MCTP1: variants seen among roughly 807,000 people sequenced by gnomAD.
MCTP1 encodes the protein multiple C2 and transmembrane domain containing 1.
In MCTP1, 69 loss-of-function variants were observed where a neutral mutation model predicts 120.6. The observed-to-expected ratio is 0.57, with a 90% CI of 0.47 to 0.70. MCTP1 has a LOEUF of 0.70. Among genes scored for constraint, MCTP1 ranks in the 30% least tolerant of loss-of-function variants. MCTP1 has a pLI of 0.00. For synonymous variants in MCTP1, 529 were observed against 493.1 expected (o/e 1.07, Z -0.96); for missense variants, 1,203 against 1,248.8 (o/e 0.96, Z 0.55).
At chr5:95,132,765 C>A (rs1759143222) in intron 1 of MCTP1, among the ~76,000 whole-genome samples, 1 of 152,176 alleles carries the variant, frequency 6.6e-6, no homozygotes, top group South Asian at 2.1e-4. Context: ...GAAGAAGTCT[C>A]ATGAGCTTTG....
At chr5:94,774,866 T>C (rs887443690) in intron 19 of MCTP1, among the ~76,000 whole-genome samples, 88 of 152,346 alleles carry the variant, frequency 5.8e-4, no homozygotes, top group African/African-American at 2.1e-3. Flanking sequence ...TGCAGTTATT[T>C]CATTGAATAT....
At chr5:94,763,515 C>T (rs780902229) in intron 19 of MCTP1, among the ~76,000 whole-genome samples, 9 of 152,144 alleles carry the variant, frequency 5.9e-5, no homozygotes, top group Non-Finnish European at 8.8e-5. Flanking sequence ...CTGACAATTC[C>T]GTGAAGCTGG....
intron 1 of MCTP1, among the ~76,000 whole-genome samples, chr5:95,180,880 A>C (rs2152514059): frequency 6.6e-6 from 1 of 152,080 alleles, no homozygotes; most frequent in Middle Eastern, 3.4e-3. Flanking sequence ...CCTAGCCAAA[A>C]ACTTAGGAAT....
At chr5:95,151,430 G>A (rs548599441) in intron 1 of MCTP1, among the ~76,000 whole-genome samples, 4 of 152,226 alleles carry the variant, frequency 2.6e-5, no homozygotes, top group African/African-American at 9.6e-5. Flanking sequence ...TGGTCTTGCT[G>A]TCTCAAGGGT....
chr5:94,747,814 G>A (rs558847913), intron 19 of MCTP1, among the ~76,000 whole-genome samples: 37 of 152,218 alleles, frequency 2.4e-4, no homozygotes, highest in African/African-American at 8.9e-4. Context: ...AAGGAGGCCA[G>A]GCATGGTGGC....
chr5:95,180,979 C>G (rs1472561635), intron 1 of MCTP1, among the ~76,000 whole-genome samples: 1 of 152,156 alleles, frequency 6.6e-6, no homozygotes, highest in Admixed American at 6.5e-5. Context: ...TGAAGCTGAC[C>G]TCTTCTTAAA....
intron 17 of MCTP1, among the ~76,000 whole-genome samples, chr5:94,818,647 G>T (rs998356617): frequency 6.6e-6 from 1 of 152,160 alleles, no homozygotes; most frequent in African/African-American, 2.4e-5. Context: ...CTACAGTCAG[G>T]AAAGAGAAGA....
intron 1 of MCTP1, among the ~76,000 whole-genome samples, chr5:95,179,054 G>A (rs1384037555): frequency 6.6e-6 from 1 of 152,186 alleles, no homozygotes; most frequent in Non-Finnish European, 1.5e-5. Context: ...CTCAGTAATA[G>A]AATAAAATGA....
chr5:94,817,586 T>G (rs889959639), intron 17 of MCTP1, among the ~76,000 whole-genome samples: 1 of 152,210 alleles, frequency 6.6e-6, no homozygotes, highest in South Asian at 2.1e-4. Flanking sequence ...CTGAGGGATT[T>G]TTCCTATTGT....
intron 1 of MCTP1, among the ~76,000 whole-genome samples, chr5:95,247,697 G>A (rs183760967): frequency 7.2e-4 from 110 of 152,256 alleles, no homozygotes; most frequent in African/African-American, 2.6e-3. Flanking sequence ...GTAGTTGTGC[G>A]ATTTTGAGTG....
chr5:95,216,357 G>A (rs565550906), intron 1 of MCTP1, among the ~76,000 whole-genome samples: 1 of 152,312 alleles, frequency 6.6e-6, no homozygotes, highest in African/African-American at 2.4e-5. Context: ...TTTGGTCCAA[G>A]AAACTACAGC....
chr5:95,165,721 T>A (rs892529387), intron 1 of MCTP1, among the ~76,000 whole-genome samples: 1 of 152,188 alleles, frequency 6.6e-6, no homozygotes, highest in Non-Finnish European at 1.5e-5. Flanking sequence ...ATTATCTTAA[T>A]CTGTGAGTCT....
chr5:95,103,146 G>A (rs1158899540), intron 1 of MCTP1, among the ~76,000 whole-genome samples: 1 of 151,298 alleles, frequency 6.6e-6, no homozygotes, highest in African/African-American at 2.4e-5. Flanking sequence ...TATTATTATT[G>A]TCTTGTTACC....
chr5:95,061,505 G>A (rs371712598), intron 1 of MCTP1, among the ~76,000 whole-genome samples: 1 of 126,478 alleles, frequency 7.9e-6, no homozygotes, highest in Admixed American at 9.5e-5. Flanking sequence ...GCGGGATCTC[G>A]GCTCACTGCA....
At chr5:94,769,623 C>T (rs1262117607) in intron 19 of MCTP1, among the ~76,000 whole-genome samples, 1 of 152,042 alleles carries the variant, frequency 6.6e-6, no homozygotes, top group Non-Finnish European at 1.5e-5. Flanking sequence ...AATAGAAGCA[C>T]AGAACCAATA....
intron 1 of MCTP1, among the ~76,000 whole-genome samples, chr5:95,098,926 A>G (rs1294619132): frequency 6.6e-6 from 1 of 152,232 alleles, no homozygotes; most frequent in Non-Finnish European, 1.5e-5. Flanking sequence ...AAACAGAGAT[A>G]TAGATTAATG....
intron 21 of MCTP1, 23 bp downstream of exon 21, chr5:94,710,795 G>A (rs376596091): frequency 1.0e-5 from 15 of 1,486,822 alleles, no homozygotes; most frequent in Non-Finnish European, 1.4e-5. Context: ...ACAGTTTGGG[G>A]GAGTGGGGGA....
chr5:95,066,090 T>C (rs924785514), intron 1 of MCTP1, among the ~76,000 whole-genome samples: 1 of 152,116 alleles, frequency 6.6e-6, no homozygotes, highest in African/African-American at 2.4e-5. Flanking sequence ...GGAGAAAATG[T>C]TTACAAAGTA....
At chr5:94,799,719 C>A (rs1033589880) in intron 17 of MCTP1, among the ~76,000 whole-genome samples, 8 of 152,046 alleles carry the variant, frequency 5.3e-5, no homozygotes, top group Admixed American at 4.6e-4. Flanking sequence ...CTATTACAAG[C>A]AAATTTTGTC....
Sources: allele counts gnomAD v4.1 joint callset (sites outside exome capture counted in the v4.1 genomes callset), GRCh38; gene constraint gnomAD v4.1.1; transcripts MANE v1.5; gene names NCBI Gene and HGNC (gene_info 2026-07-23, HGNC 2026-07-21).